PKP4: variants seen among roughly 807,000 people sequenced by gnomAD.
PKP4 encodes the protein plakophilin-4.
PKP4 carries 90 observed loss-of-function variants against 145.1 expected under a neutral mutation model. That is an observed-to-expected ratio of 0.62 (90% CI 0.52 to 0.74). The LOEUF (loss-of-function observed/expected upper bound fraction) is 0.74. Among genes scored for constraint, PKP4 ranks in the 30% least tolerant of loss-of-function variants. PKP4 has a pLI of 0.00. For missense variants in PKP4, 1,340 were observed against 1,482.7 expected, an observed-to-expected ratio of 0.90 and a Z score of 1.58; for synonymous variants, 563 against 577.2, an observed-to-expected ratio of 0.98 and a Z score of 0.35.
chr2:158,537,896 G>A (rs2044190543), intron 2 of PKP4, among the ~76,000 whole-genome samples: 2 of 152,060 alleles, frequency 1.3e-5, no homozygotes, highest in Non-Finnish European at 2.9e-5. Flanking sequence ...CAGGTGTGAT[G>A]GTGTGCGCCT....
chr2:158,626,041 T>G (rs1020381447), intron 7 of PKP4, among the ~76,000 whole-genome samples: 1 of 152,240 alleles, frequency 6.6e-6, no homozygotes, highest in African/African-American at 2.4e-5. Flanking sequence ...GTTTCCTACA[T>G]GGTGTAAAGA....
intron 1 of PKP4, among the ~76,000 whole-genome samples, chr2:158,513,066 T>G (rs2041649757): frequency 6.6e-6 from 1 of 152,066 alleles, no homozygotes; most frequent in Non-Finnish European, 1.5e-5. Flanking sequence ...GGAATCTGGG[T>G]TTTCCTTTTC....
chr2:158,548,457 G>T, intron 2 of PKP4: 1 of 138,124 alleles, frequency 7.2e-6, no homozygotes, highest in South Asian at 2.1e-4. Flanking sequence ...AGGGGAAGAA[G>T]GTGGCCCTGG....
intron 1 of PKP4, among the ~76,000 whole-genome samples, chr2:158,515,342 G>A (rs1176744059): frequency 2.0e-5 from 3 of 152,102 alleles, no homozygotes; most frequent in Admixed American, 6.5e-5. Context: ...ATTTAAGCCT[G>A]GTATGGTGAT....
rs201257617 is a variant in PKP4 at position 158,662,898 on chromosome 2, C to T, written c.2213C>T (p.Thr738Met). 326 of 1,590,712 alleles carry T rather than the reference C, an allele frequency of 2.0e-4. No individual in the cohort carries two copies. Among genetic ancestry groups the T allele is most frequent in the Non-Finnish European group, 2.6e-4 (305 of 1,170,232 alleles). ...ATTATACGCCATGCTGGGTTTCAGA[C>T]GGTGGAGAACTGCGTGTGCACCCTG... ...CVNTSDYDSK[T>M]VENCVCTLRN... The change falls in exon 14 of 22, where the codon ACG (threonine) becomes ATG (methionine). Residue 738 changes from threonine (T) to methionine (M), a missense_variant and splice_region_variant. By Grantham distance (81) the Thr-to-Met change is moderately conservative. Coordinates refer to ENST00000389759, the MANE Select transcript of PKP4 (RefSeq NM_003628.6).
chr2:158,479,412 C>T (rs1189105347), intron 1 of PKP4, among the ~76,000 whole-genome samples: 4 of 151,930 alleles, frequency 2.6e-5, no homozygotes, highest in South Asian at 2.1e-4. Context: ...TTTGTAGAGA[C>T]GGGGTTTTGC....
chr2:158,577,513 T>C (rs549898321), intron 3 of PKP4, 130 bp downstream of exon 3: 456 of 622,128 alleles, frequency 7.3e-4, no homozygotes, highest in Non-Finnish European at 1.1e-3. Flanking sequence ...AAACCAAAAA[T>C]GTCCATTTAT....
chr2:158,543,311 G>A (rs2044685414), intron 2 of PKP4, among the ~76,000 whole-genome samples: 1 of 152,084 alleles, frequency 6.6e-6, no homozygotes, highest in South Asian at 2.1e-4. Context: ...GTATTTTTGT[G>A]GAATGTGTTT....
At chr2:158,675,986 T>A (rs2057973318) in intron 19 of PKP4, among the ~76,000 whole-genome samples, 1 of 152,102 alleles carries the variant, frequency 6.6e-6, no homozygotes, top group Non-Finnish European at 1.5e-5. Flanking sequence ...ATGTGAAATA[T>A]TTCTCTCTTC....
intron 11 of PKP4, among the ~76,000 whole-genome samples, chr2:158,648,869 C>T (rs1277735788): frequency 2.0e-5 from 3 of 146,398 alleles, no homozygotes; most frequent in African/African-American, 4.9e-5. Context: ...TGTGGTGGCA[C>T]ATGCCTGTAA....
At chr2:158,472,627 A>G (rs1281302640) in intron 1 of PKP4, among the ~76,000 whole-genome samples, 1 of 151,572 alleles carries the variant, frequency 6.6e-6, no homozygotes, top group Non-Finnish European at 1.5e-5. Flanking sequence ...AAAAAAAAAA[A>G]AAAAAAGAAT....
At chr2:158,472,612 C>CA (rs67665979) in intron 1 of PKP4, among the ~76,000 whole-genome samples, 32,039 of 64,694 alleles carry the variant, frequency 0.5, 7,318 homozygotes, top group East Asian at 0.81. Flanking sequence ...GGCTCCATCT[C>CA]AAAAAAAAAA....
intron 2 of PKP4, among the ~76,000 whole-genome samples, chr2:158,570,433 C>T: frequency 6.6e-6 from 1 of 152,162 alleles, no homozygotes; most frequent in East Asian, 1.9e-4. Flanking sequence ...TCCCCTCTAT[C>T]TTAAAAATCT....
rs561964313 is a variant in PKP4, at chr2:158,566,479, A to AATATATATATATATATATATATAT, written c.133-10779_133-10778insTATATATATATATATATATATATA. ...GCATCATTGGTCTTAATAATTTTGA[A>AATATATATATATATATATATATAT]ATATATATATATAAAACCCAAATTG... On this transcript the variant is annotated intron_variant, in intron 2 of 21. Transcript: ENST00000389759. Among the ~76,000 whole-genome samples the AATATATATATATATATATATATAT allele has an allele frequency of 4.7e-3, 704 of 151,092 alleles. 8 individuals carry two copies. Among genetic ancestry groups the AATATATATATATATATATATATAT allele is most frequent in the African/African-American group, 0.015 (626 of 40,762 alleles).
intron 2 of PKP4, among the ~76,000 whole-genome samples, chr2:158,567,420 A>G (rs2047079583): frequency 6.6e-6 from 1 of 152,228 alleles, no homozygotes; most frequent in Admixed American, 6.5e-5. Flanking sequence ...AAGGTCTTAA[A>G]ACAAGGCTGA....
chr2:158,650,701 C>T (rs980858461), intron 11 of PKP4, among the ~76,000 whole-genome samples: 3 of 152,212 alleles, frequency 2.0e-5, no homozygotes, highest in South Asian at 4.1e-4. Flanking sequence ...GCACCCACTT[C>T]CCACTGCGCT....
intron 4 of PKP4, among the ~76,000 whole-genome samples, chr2:158,614,452 T>A (rs937976667): frequency 6.6e-6 from 1 of 152,218 alleles, no homozygotes; most frequent in Non-Finnish European, 1.5e-5. Flanking sequence ...ATGCATGAGT[T>A]TCCCAGCCAG....
chr2:158,671,320 TC>T (rs2057535544), intron 17 of PKP4, among the ~76,000 whole-genome samples: 1 of 151,260 alleles, frequency 6.6e-6, no homozygotes, highest in Non-Finnish European at 1.5e-5. Flanking sequence ...ATATTTCCTT[TC>T]AGTCTTTTTT....
intron 1 of PKP4, among the ~76,000 whole-genome samples, chr2:158,523,052 G>A (rs954754469): frequency 6.6e-6 from 1 of 152,116 alleles, no homozygotes; most frequent in Admixed American, 6.5e-5. Context: ...CGAGGCTGGG[G>A]GAGGGGCGCC....
Sources: gnomAD v4.1 joint callset for allele counts (sites outside exome capture counted in the v4.1 genomes callset) on GRCh38, gnomAD v4.1.1 for gene constraint, MANE v1.5 for transcripts, NCBI Gene and HGNC (gene_info 2026-07-23, HGNC 2026-07-21) for gene names.